The following DGKB variants were observed in gnomAD, a reference collection of about 807,000 sequenced individuals.
The protein encoded by DGKB is 90 kDa diacylglycerol kinase.
In DGKB, 67 loss-of-function variants were observed where a neutral mutation model predicts 114.3. The observed-to-expected ratio is 0.59, with a 90% CI of 0.48 to 0.72. The LOEUF (loss-of-function observed/expected upper bound fraction) is 0.72, where lower values mean the gene tolerates loss of function less well. Ranked by LOEUF, DGKB falls within the 30% of genes least tolerant of loss-of-function variation. The pLI is 0.00. For synonymous variants in DGKB, 398 were observed against 323.1 expected (o/e 1.23, Z -2.49); for missense variants, 907 against 975.2 (o/e 0.93, Z 0.93).
chr7:14,771,975 C>T (rs374600170), intron 2 of DGKB, among the ~76,000 whole-genome samples: 1 of 148,962 alleles, frequency 6.7e-6, no homozygotes, highest in East Asian at 2.0e-4. Context: ...CACTCCTTTC[C>T]ATTGATCCCA....
intron 20 of DGKB, among the ~76,000 whole-genome samples, chr7:14,536,840 G>GAAA (rs112715630): frequency 2.7e-5 from 4 of 146,938 alleles, no homozygotes; most frequent in South Asian, 2.1e-4. Flanking sequence ...ATTAAGAAAG[G>GAAA]AAAAAAACAA....
At chr7:14,285,094 C>T (rs912647169) in intron 23 of DGKB, among the ~76,000 whole-genome samples, 9 of 152,088 alleles carry the variant, frequency 5.9e-5, no homozygotes, top group African/African-American at 2.2e-4. Context: ...GTGATATTTT[C>T]TCACTCTGCA....
chr7:14,612,154 C>CATTTTATTTTATTTT (rs372883232), intron 16 of DGKB, among the ~76,000 whole-genome samples: 3,619 of 145,862 alleles, frequency 0.025, 74 homozygotes, highest in Middle Eastern at 0.033. Context: ...ATCTTATACT[C>CATTTTATTTTATTTT]ATTTTATTTT....
intron 23 of DGKB, among the ~76,000 whole-genome samples, chr7:14,232,490 G>T (rs1792066401): frequency 6.6e-6 from 1 of 151,404 alleles, no homozygotes; most frequent in African/African-American, 2.4e-5. Flanking sequence ...ATATGACCAT[G>T]CATTTGCTTT....
At chr7:14,695,439 T>C (rs1823649256) in intron 8 of DGKB, among the ~76,000 whole-genome samples, 1 of 150,338 alleles carries the variant, frequency 6.7e-6, no homozygotes, top group Admixed American at 6.6e-5. Context: ...GACGCTCCAG[T>C]CTTCCCTACT....
intron 23 of DGKB, among the ~76,000 whole-genome samples, chr7:14,193,760 G>C (rs1784632345): frequency 6.6e-6 from 1 of 151,744 alleles, no homozygotes; most frequent in African/African-American, 2.4e-5. Flanking sequence ...AGATAACCTA[G>C]CAAATGGGAG....
At chr7:14,223,420 T>G (rs929914650) in intron 23 of DGKB, among the ~76,000 whole-genome samples, 1 of 151,756 alleles carries the variant, frequency 6.6e-6, no homozygotes, top group Non-Finnish European at 1.5e-5. Context: ...CCTTTCTGAA[T>G]TTTTATATTT....
At chr7:14,421,768 A>C (rs1472178028) in intron 21 of DGKB, among the ~76,000 whole-genome samples, 1 of 152,092 alleles carries the variant, frequency 6.6e-6, no homozygotes, top group Non-Finnish European at 1.5e-5. Flanking sequence ...AGGCACAAAG[A>C]GCACTGATGT....
intron 23 of DGKB, among the ~76,000 whole-genome samples, chr7:14,318,317 A>G (rs75060326): frequency 0.66 from 96,364 of 146,950 alleles, 32,480 homozygotes; most frequent in South Asian, 0.73. Context: ...GCTTCTGCAC[A>G]GCAAAAGAAA....
At chr7:14,697,283 T>A (rs879651447) in intron 8 of DGKB, among the ~76,000 whole-genome samples, 1 of 152,170 alleles carries the variant, frequency 6.6e-6, no homozygotes, top group Non-Finnish European at 1.5e-5. Context: ...TTTAACATAT[T>A]TGGGTCTCAA....
chr7:14,218,953 A>G (rs1037202240), intron 23 of DGKB, among the ~76,000 whole-genome samples: 16 of 151,798 alleles, frequency 1.1e-4, no homozygotes, highest in African/African-American at 3.9e-4. Context: ...TCTCCCAGCA[A>G]CTAATGATCT....
At chr7:14,664,209 G>C (rs1450845099) in intron 13 of DGKB, among the ~76,000 whole-genome samples, 1 of 151,898 alleles carries the variant, frequency 6.6e-6, no homozygotes, top group Admixed American at 6.6e-5. Flanking sequence ...CTGCATATTG[G>C]ATCTTACCAT....
chr7:14,363,360 A>T (rs961612815), intron 21 of DGKB, among the ~76,000 whole-genome samples: 1 of 152,154 alleles, frequency 6.6e-6, no homozygotes. Context: ...AGCAGAAAAG[A>T]CACGAACTGT....
intron 21 of DGKB, among the ~76,000 whole-genome samples, chr7:14,453,048 A>G (rs1436131772): frequency 6.6e-6 from 1 of 152,198 alleles, no homozygotes; most frequent in Non-Finnish European, 1.5e-5. Context: ...TGGAAATAGC[A>G]ATGGCTTACA....
intron 13 of DGKB, among the ~76,000 whole-genome samples, chr7:14,631,278 A>AG (rs1372772026): frequency 5.3e-5 from 8 of 150,446 alleles, no homozygotes; most frequent in East Asian, 1.9e-4. Flanking sequence ...AAAAAAAAAA[A>AG]AAAAGAAAAA....
chr7:14,434,269 C>T (rs1828915363), intron 21 of DGKB, among the ~76,000 whole-genome samples: 1 of 152,098 alleles, frequency 6.6e-6, no homozygotes, highest in African/African-American at 2.4e-5. Flanking sequence ...CCAACTATGT[C>T]CACGTCTCAA....
intron 23 of DGKB, among the ~76,000 whole-genome samples, chr7:14,335,164 A>C (rs886643449): frequency 9.9e-5 from 15 of 152,218 alleles, no homozygotes; most frequent in Non-Finnish European, 1.9e-4. Flanking sequence ...GATTGCAAGC[A>C]AATAAATTAT....
At chr7:14,839,816 T>C (rs1315377052) in intron 2 of DGKB, among the ~76,000 whole-genome samples, 4 of 150,928 alleles carry the variant, frequency 2.7e-5, no homozygotes, top group African/African-American at 9.7e-5. Context: ...ACTCAGTCAA[T>C]AGTCATAGAC....
At chr7:14,616,421 G>C (rs1806539493) in intron 15 of DGKB, among the ~76,000 whole-genome samples, 1 of 151,536 alleles carries the variant, frequency 6.6e-6, no homozygotes, top group Middle Eastern at 3.4e-3. Context: ...ATCTGTCTAT[G>C]AATTTAGAAT....
Sources: gnomAD v4.1 joint callset for allele counts (sites outside exome capture counted in the v4.1 genomes callset) on GRCh38, gnomAD v4.1.1 for gene constraint, MANE v1.5 for transcripts, NCBI Gene and HGNC (gene_info 2026-07-23, HGNC 2026-07-21) for gene names.